The following ACP2 variants were observed in gnomAD, a reference collection of about 807,000 sequenced individuals.
ACP2 encodes acid phosphatase 2, lysosomal.
A neutral mutation model predicts 54.7 loss-of-function variants in ACP2; 35 were observed. That is an observed-to-expected ratio of 0.64 (90% CI 0.49 to 0.85). The LOEUF (loss-of-function observed/expected upper bound fraction) is 0.85, where lower values mean the gene tolerates loss of function less well. Ranked by LOEUF, ACP2 falls within the 40% of genes least tolerant of loss-of-function variation. The pLI is 0.00. For synonymous variants in ACP2, 210 were observed against 224.4 expected (o/e 0.94, Z 0.57); for missense variants, 492 against 565.0 (o/e 0.87, Z 1.31).
chr11:47,244,871 T>TGTATC lies in ACP2; in HGVS notation c.640-9_640-5dup. The TGTATC allele has an allele frequency of 6.3e-7, 1 of 1,599,014 alleles. No individual in the cohort carries two copies. Among genetic ancestry groups the TGTATC allele is most frequent in the Non-Finnish European group, 8.5e-7 (1 of 1,170,108 alleles). ...GCAGGCGCAGCCCGTGCGTTTGCTG[T>TGTATC]GTATCGCAGCAGGCAGGTTAGCGCC... On this transcript the variant is annotated splice_region_variant and splice_polypyrimidine_tract_variant and intron_variant, in intron 6 of 10. Coordinates refer to ENST00000672073, the MANE Select transcript of ACP2 (RefSeq NM_001610.4).
chr11:47,247,911 T>C lies in ACP2; in HGVS notation c.210+127A>G, dbSNP rs1954257940. On this transcript the variant is annotated intron_variant, in intron 2 of 10. Coordinates refer to ENST00000672073, the MANE Select transcript of ACP2 (RefSeq NM_001610.4). ...ATCATGGGCACAGAGATTAAGGTTATGAAATCTGGTCAAAGTCAGCACCCA... is the reference window on the plus strand; with the variant it reads ...ATCATGGGCACAGAGATTAAGGTTACGAAATCTGGTCAAAGTCAGCACCCA... 3 of 970,082 alleles carry C rather than the reference T, an allele frequency of 3.1e-6. No homozygotes were observed. In the East Asian group the frequency reaches 7.4e-5, roughly 24 times the overall value. 60.1% of individuals were successfully genotyped at this position (970,082 alleles called of 1,614,324 possible). A position where few individuals can be genotyped will look rare whatever the true frequency, so the allele number is the denominator to read the frequency against.
At chr11:47,247,948 G>C (rs1358037247) in intron 2 of ACP2, 90 bp downstream of exon 2, 2 of 1,171,974 alleles carry the variant, frequency 1.7e-6, no homozygotes, top group East Asian at 2.4e-5. Context: ...ATGGGAAAAG[G>C]CAGTTTAGTA....
chr11:47,248,415 G>C, intron 1 of ACP2: 2 of 1,532,268 alleles, frequency 1.3e-6, no homozygotes, highest in Non-Finnish European at 1.8e-6. Context: ...GGGGAAAAAA[G>C]ATAACCAAAG....
At chr11:47,240,303 G>T in intron 10 of ACP2, 54 bp from the exon 11 acceptor site, 1 of 901,814 alleles carries the variant, frequency 1.1e-6, no homozygotes, top group Non-Finnish European at 1.9e-6. Flanking sequence ...TCATATGCCA[G>T]CTACTGTTCT....
intron 9 of ACP2, 38 bp from the exon 10 acceptor site, chr11:47,242,936 C>T: frequency 1.9e-6 from 3 of 1,609,002 alleles, no homozygotes; most frequent in African/African-American, 1.3e-5. Flanking sequence ...AGCTGCTCAG[C>T]CTGCCCATCA....
Position 47,245,394 on chromosome 11 carries a change from G to A in ACP2, c.550C>T (p.Gln184Ter). ...EYQNESSRNA[Q>*]FLDMVANETG... ...TCGTTGGCCACCATGTCCAGAAATTGCTATGAAAAATGGATCAGGGTCTCA... is the reference window on the plus strand; with the variant it reads ...TCGTTGGCCACCATGTCCAGAAATTACTATGAAAAATGGATCAGGGTCTCA... The change falls in exon 6 of 11, where the codon CAA becomes TAA. Residue 184 changes from glutamine (Q) to a stop codon, truncating the protein, a stop_gained and splice_region_variant. Coordinates refer to ENST00000672073, the MANE Select transcript of ACP2 (RefSeq NM_001610.4). LOFTEE classifies it high-confidence loss of function. 1 of 1,614,158 alleles carries A rather than the reference G, an allele frequency of 6.2e-7. No homozygotes were observed. Among genetic ancestry groups the A allele is most frequent in the Non-Finnish European group, 8.5e-7 (1 of 1,180,024 alleles).
At chr11:47,248,304 C>A in intron 1 of ACP2, 171 bp from the exon 2 acceptor site, 1 of 1,033,260 alleles carries the variant, frequency 9.7e-7, no homozygotes, top group South Asian at 1.7e-5. Context: ...TCCAGAGATT[C>A]TAACTTAGCT....
intron 10 of ACP2, among the ~76,000 whole-genome samples, chr11:47,241,636 G>A (rs985576263): frequency 2.0e-5 from 3 of 152,230 alleles, no homozygotes; most frequent in Non-Finnish European, 4.4e-5. Flanking sequence ...AGATTGGACT[G>A]CGGAGGCAAG....
At chr11:47,247,422 A>G (rs1954191523) in intron 3 of ACP2, 2 of 602,198 alleles carry the variant, frequency 3.3e-6, no homozygotes, top group Admixed American at 3.0e-5. Context: ...TTAAGTCCGA[A>G]TTTGGATGCT....
chr11:47,240,323 G>C, intron 10 of ACP2, 74 bp from the exon 11 acceptor site: 2 of 771,568 alleles, frequency 2.6e-6, no homozygotes, highest in Non-Finnish European at 2.3e-6. Context: ...TGACATATAG[G>C]AGATACACAG....
chr11:47,246,282 AATAAG>A (rs1954076271), intron 3 of ACP2, among the ~76,000 whole-genome samples: 1 of 152,154 alleles, frequency 6.6e-6, no homozygotes, highest in African/African-American at 2.4e-5. Flanking sequence ...GGGAGAAAAA[AATAAG>A]ATAAAGGGCT....
intron 3 of ACP2, among the ~76,000 whole-genome samples, chr11:47,246,944 G>A (rs1225203108): frequency 6.6e-6 from 1 of 152,106 alleles, no homozygotes; most frequent in East Asian, 1.9e-4. Flanking sequence ...GAGGAAACTG[G>A]GGAAGGACAA....
chr11:47,245,928 G>GTA, intron 3 of ACP2, 94 bp from the exon 4 acceptor site: 1 of 1,269,348 alleles, frequency 7.9e-7, no homozygotes. Context: ...TTGTATGTAT[G>GTA]TGTGTGTGTG....
chr11:47,244,983 G>A, intron 6 of ACP2, 116 bp from the exon 7 acceptor site: 1 of 1,462,904 alleles, frequency 6.8e-7, no homozygotes, highest in East Asian at 2.5e-5. Flanking sequence ...AGGGGAGAGA[G>A]GCAGAGGGGC....
chr11:47,245,370 C>T lies in ACP2; in HGVS notation c.574G>A (p.Glu192Lys), dbSNP rs540880065. Residue 192 changes from glutamate to lysine, a missense_variant, in exon 6 of 11, where the codon GAG becomes AAG. By Grantham distance (56) the Glu-to-Lys change is moderately conservative (BLOSUM62 1). Coordinates refer to ENST00000672073, the MANE Select transcript of ACP2 (RefSeq NM_001610.4). ...NAQFLDMVANETGLTDLTLET... is the reference protein window; with the variant it reads ...NAQFLDMVANKTGLTDLTLET... Reference sequence around the variant, plus strand: ...AGTGTCAGGTCTGTAAGCCCTGTCTCGTTGGCCACCATGTCCAGAAATTGC... The same window carrying T: ...AGTGTCAGGTCTGTAAGCCCTGTCTTGTTGGCCACCATGTCCAGAAATTGC... 5.6e-6 allele frequency: 9 copies of T among 1,614,056 alleles called. No homozygotes were observed. The highest frequency in any genetic ancestry group is 3.3e-5 in the Admixed American group (2 of 60,004).
At position 47,245,857 on chromosome 11, in the gene ACP2, CGTGTGT is replaced by C. The variant is rs58712815; in HGVS notation, c.298-29_298-24del. The C allele has an allele frequency of 3.5e-4, 520 of 1,471,634 alleles. 1 individual carries two copies. The highest frequency in any genetic ancestry group is 4.2e-4 in the Middle Eastern group (2 of 4,792). The allele number at this position is 1,471,634 out of a possible 1,614,324, so 91.2% of individuals were successfully genotyped here. A position where few individuals can be genotyped will look rare whatever the true frequency, so the allele number is the denominator to read the frequency against. ...AACCTGCAGCGATAGCAACACAAGTCGTGTGTGTGTGTGTGTGTGTGTGTGTGTTGG... is the reference window on the plus strand; with the variant it reads ...AACCTGCAGCGATAGCAACACAAGTCGTGTGTGTGTGTGTGTGTGTGTTGG... On this transcript the variant is annotated intron_variant, in intron 3 of 10. Transcript: ENST00000672073.
Position 47,245,159 on chromosome 11 carries a change from A to C in ACP2, c.639+146T>G, listed in dbSNP as rs1954018778. 2.6e-5 allele frequency: 26 copies of C among 989,526 alleles called. 1 individual carries two copies. In the South Asian group the frequency reaches 3.3e-4, roughly 13 times the overall value. The allele number at this position is 989,526 out of a possible 1,614,324, so 61.3% of individuals were successfully genotyped here. A position where few individuals can be genotyped will look rare whatever the true frequency, so the allele number is the denominator to read the frequency against. ...ACTCTGAGGATCTCTGTCACCCATG[A>C]GGGAAGTTCCCGTGTTTCACAAGCA... is the stretch of plus-strand genomic sequence containing the variant. On this transcript the variant is annotated intron_variant, in intron 6 of 10. Coordinates refer to ENST00000672073, the MANE Select transcript of ACP2 (RefSeq NM_001610.4).
chr11:47,245,300 C>T lies in ACP2; in HGVS notation c.639+5G>A. ...TGATCACAGTGGGCACCCTAGTGGG[C>T]TCACCTCACAGAAGAGTGTGTCATA... is the stretch of plus-strand genomic sequence containing the variant. On this transcript the variant is annotated splice_donor_5th_base_variant and intron_variant, in intron 6 of 10. Coordinates refer to ENST00000672073, the MANE Select transcript of ACP2 (RefSeq NM_001610.4). The T allele has an allele frequency of 6.2e-7, 1 of 1,613,924 alleles. No individual in the cohort carries two copies. Among genetic ancestry groups the T allele is most frequent in the Non-Finnish European group, 8.5e-7 (1 of 1,179,850 alleles).
chr11:47,247,721 T>G lies in ACP2; in HGVS notation c.217A>C (p.Met73Leu). Residue 73 changes from methionine (M) to leucine (L), a missense_variant, in exon 3 of 11, where the codon ATG (methionine) becomes CTG (leucine). Met to Leu is a conservative substitution (Grantham distance 15). Coordinates refer to ENST00000672073, the MANE Select transcript of ACP2 (RefSeq NM_001610.4). ...QGFGQLTKEG[M>L]LQHWELGQAL... is the part of the protein sequence containing the mutation. The stretch of plus-strand genomic sequence containing the variant: ...TGGCCCAGTTCCCAGTGCTGTAGCA[T>G]CCCCTCCTGTGGGCAAACCCAAGGG... The G allele has an allele frequency of 6.2e-7, 1 of 1,613,416 alleles. No individual in the cohort carries two copies. Among genetic ancestry groups the G allele is most frequent in the East Asian group, 2.2e-5 (1 of 44,882 alleles).
Sources: gnomAD v4.1 joint callset for allele counts (sites outside exome capture counted in the v4.1 genomes callset) on GRCh38, gnomAD v4.1.1 for gene constraint, MANE v1.5 for transcripts, NCBI Gene and HGNC (gene_info 2026-07-23, HGNC 2026-07-21) for gene names.